ABHD18: variants seen among roughly 807,000 people sequenced by gnomAD.
ABHD18 encodes abhydrolase domain containing 18.
In ABHD18, 55 loss-of-function variants were observed where a neutral mutation model predicts 65.9. The ratio of observed to expected loss-of-function variants is 0.84; its 90% CI spans 0.67 to 1.05. The LOEUF (loss-of-function observed/expected upper bound fraction) is 1.05. Ranked by LOEUF, ABHD18 falls within the 50% of genes least tolerant of loss-of-function variation. ABHD18 has a pLI of 0.00. For missense variants in ABHD18, 533 were observed against 558.5 expected (o/e 0.95, Z 0.46); for synonymous variants, 181 against 180.2 (o/e 1.00, Z -0.04).
chr4:127,970,589 CAAAAAAA>C (rs375709595), intron 1 of ABHD18, among the ~76,000 whole-genome samples: 6 of 54,650 alleles, frequency 1.1e-4, no homozygotes, highest in Non-Finnish European at 1.9e-4. Context: ...AACTCTGTCT[CAAAAAAA>C]AAAAAAAAAA....
At chr4:128,020,619 A>T (rs11931314) in intron 9 of ABHD18, among the ~76,000 whole-genome samples, 2 of 152,276 alleles carry the variant, frequency 1.3e-5, no homozygotes, top group South Asian at 2.1e-4. Context: ...TTATATAAGC[A>T]GTTTAGGTAC....
chr4:128,010,757 A>C (rs1329636588), intron 6 of ABHD18, among the ~76,000 whole-genome samples: 1 of 151,992 alleles, frequency 6.6e-6, no homozygotes, highest in East Asian at 1.9e-4. Context: ...TCTACTAAAA[A>C]TACAAAAATT....
At chr4:127,992,750 T>C (rs1474827780) in intron 4 of ABHD18, among the ~76,000 whole-genome samples, 1 of 152,012 alleles carries the variant, frequency 6.6e-6, no homozygotes, top group Non-Finnish European at 1.5e-5. Flanking sequence ...CACTACATTG[T>C]CCAGGCTGAT....
chr4:128,027,854 A>G (rs1757613411), intron 10 of ABHD18, among the ~76,000 whole-genome samples: 1 of 152,220 alleles, frequency 6.6e-6, no homozygotes, highest in African/African-American at 2.4e-5. Context: ...TGGCTATAAA[A>G]AAAAATGATG....
At chr4:127,976,959 T>C (rs1748042245) in intron 1 of ABHD18, among the ~76,000 whole-genome samples, 1 of 151,868 alleles carries the variant, frequency 6.6e-6, no homozygotes, top group African/African-American at 2.4e-5. Context: ...GAGAATGGCG[T>C]GAACCCGGGA....
chr4:128,008,773 A>C, intron 4 of ABHD18, 147 bp from the exon 5 acceptor site: 2 of 576,844 alleles, frequency 3.5e-6, no homozygotes, highest in Non-Finnish European at 6.1e-6. Context: ...TGGACAACTT[A>C]ATTTAGTTAA....
intron 4 of ABHD18, among the ~76,000 whole-genome samples, chr4:127,998,487 C>T (rs1237294081): frequency 2.0e-5 from 3 of 151,756 alleles, no homozygotes; most frequent in Admixed American, 2.0e-4. Context: ...GATCCGCCTG[C>T]CTCGGCCTCC....
chr4:127,995,909 T>C (rs907760027), intron 4 of ABHD18, among the ~76,000 whole-genome samples: 6 of 152,242 alleles, frequency 3.9e-5, no homozygotes, highest in Middle Eastern at 3.2e-3. Context: ...TTGTAGGTAC[T>C]GGTAATTCCC....
chr4:128,034,798 G>T (rs895429545), intron 12 of ABHD18, among the ~76,000 whole-genome samples: 1 of 151,912 alleles, frequency 6.6e-6, no homozygotes, highest in Non-Finnish European at 1.5e-5. Flanking sequence ...TTATAGGCAT[G>T]TGCCACCACA....
intron 11 of ABHD18, among the ~76,000 whole-genome samples, chr4:128,029,461 G>A (rs185667741): frequency 3.6e-3 from 542 of 152,216 alleles, no homozygotes; most frequent in Admixed American, 7.7e-3. Flanking sequence ...TGGGAGGACC[G>A]CTTGAGCCCA....
chr4:128,025,266 T>C (rs1046432691), intron 10 of ABHD18, among the ~76,000 whole-genome samples: 1 of 152,114 alleles, frequency 6.6e-6, no homozygotes, highest in Non-Finnish European at 1.5e-5. Context: ...GCCTCCTGAG[T>C]AGCTGGGATT....
intron 4 of ABHD18, among the ~76,000 whole-genome samples, chr4:127,995,565 A>G (rs1247900285): frequency 6.6e-6 from 1 of 152,198 alleles, no homozygotes; most frequent in Non-Finnish European, 1.5e-5. Context: ...AACATTTTAA[A>G]TATATATCAA....
chr4:128,016,726 GA>G, intron 7 of ABHD18, among the ~76,000 whole-genome samples: 1 of 84 alleles, frequency 0.012, no homozygotes, highest in Non-Finnish European at 0.029. Context: ...AGTGAGCCAA[GA>G]TCCATGCCAC....
intron 10 of ABHD18, among the ~76,000 whole-genome samples, chr4:128,022,354 CT>C (rs1756643221): frequency 6.6e-6 from 1 of 152,178 alleles, no homozygotes; most frequent in African/African-American, 2.4e-5. Flanking sequence ...TTCTCACAAT[CT>C]AGATTTTTCT....
chr4:127,968,197 G>A (rs1054676937), intron 1 of ABHD18, among the ~76,000 whole-genome samples: 1 of 152,192 alleles, frequency 6.6e-6, no homozygotes, highest in African/African-American at 2.4e-5. Context: ...GCGACAGAGC[G>A]AGACTCCGTC....
rs552601927 is a variant in ABHD18, at chr4:127,967,805, C to T, written c.-18+2199C>T. ...TATATGTAATTTTTTTTTATAAAGC[C>T]CATGGAAAAGAGGAGCTAAATTTGA... On this transcript the variant is annotated intron_variant, in intron 1 of 12. Coordinates refer to ENST00000645843, the MANE Select transcript of ABHD18 (RefSeq NM_001358451.3). 6.6e-5 allele frequency among the ~76,000 whole-genome samples: 10 copies of T among 151,412 alleles called. No individual in the cohort carries two copies. In the South Asian group the frequency reaches 1.9e-3, roughly 28 times the overall value.
rs763079925 is a variant in ABHD18, at chr4:127,981,812, A to ATC, written c.-17-1127_-17-1126insTC. ...AGAGCACATGGAAACTGGGAAAAAG[A>ATC]GAGATGGGTGCTATTAAAAAAACAC... On this transcript the variant is annotated intron_variant, in intron 1 of 12. Transcript: ENST00000645843. Among the ~76,000 whole-genome samples, 74 of 152,300 alleles carry ATC rather than the reference A, an allele frequency of 4.9e-4. No individual in the cohort carries two copies. The Middle Eastern group carries it at 0.01, about 21-fold the overall frequency.
At chr4:127,973,516 A>G (rs1747258235) in intron 1 of ABHD18, among the ~76,000 whole-genome samples, 1 of 152,132 alleles carries the variant, frequency 6.6e-6, no homozygotes, top group Non-Finnish European at 1.5e-5. Context: ...GACAGTTTCT[A>G]AGGTGGCCCT....
chr4:127,994,190 G>C (rs569666896), intron 4 of ABHD18, among the ~76,000 whole-genome samples: 1 of 152,212 alleles, frequency 6.6e-6, no homozygotes, highest in East Asian at 1.9e-4. Flanking sequence ...CACAAAATAT[G>C]GATTTCCCTA....
Sources: gnomAD v4.1 joint callset for allele counts (sites outside exome capture counted in the v4.1 genomes callset) on GRCh38, gnomAD v4.1.1 for gene constraint, MANE v1.5 for transcripts, NCBI Gene and HGNC (gene_info 2026-07-23, HGNC 2026-07-21) for gene names.